The following LRRC8D variants were observed in gnomAD, a reference collection of about 807,000 sequenced individuals.
LRRC8D encodes leucine rich repeat containing 8 VRAC subunit D, also known as volume-regulated anion channel subunit LRRC8D.
In LRRC8D, 20 loss-of-function variants were observed where a neutral mutation model predicts 55.8. The ratio of observed to expected loss-of-function variants is 0.36; its 90% CI spans 0.25 to 0.52. The LOEUF is 0.52. LRRC8D is among the 20% of genes least tolerant of loss of function. The pLI is 0.93. For missense variants in LRRC8D, 651 were observed against 1,030.8 expected, an observed-to-expected ratio of 0.63 and a Z score of 5.05; for synonymous variants, 352 against 377.0, an observed-to-expected ratio of 0.93 and a Z score of 0.77.
At chr1:89,908,758 G>A (rs1439107963) in intron 2 of LRRC8D, among the ~76,000 whole-genome samples, 1 of 152,204 alleles carries the variant, frequency 6.6e-6, no homozygotes, top group African/African-American at 2.4e-5. Flanking sequence ...GCAGCAGCAT[G>A]TGGATATGTG....
intron 2 of LRRC8D, among the ~76,000 whole-genome samples, chr1:89,848,610 A>G (rs892859331): frequency 1.4e-4 from 22 of 151,966 alleles, no homozygotes; most frequent in African/African-American, 5.3e-4. Flanking sequence ...TGAACACCAT[A>G]TTTTTCAGGC....
At chr1:89,908,821 T>A (rs564218496) in intron 2 of LRRC8D, among the ~76,000 whole-genome samples, 6 of 152,316 alleles carry the variant, frequency 3.9e-5, no homozygotes, top group African/African-American at 1.2e-4. Flanking sequence ...AATGGGGAGT[T>A]CCTTACTGTG....
chr1:89,872,658 G>A (rs1053911791), intron 2 of LRRC8D, among the ~76,000 whole-genome samples: 1 of 152,108 alleles, frequency 6.6e-6, no homozygotes, highest in Non-Finnish European at 1.5e-5. Context: ...ATTTAACTTT[G>A]TTCTGGGTTC....
intron 2 of LRRC8D, among the ~76,000 whole-genome samples, chr1:89,845,845 G>A (rs1440748805): frequency 2.6e-5 from 4 of 151,672 alleles, no homozygotes; most frequent in East Asian, 1.9e-4. Context: ...GCAATGGTGC[G>A]ATCTTGGCTT....
chr1:89,860,025 G>A (rs1661660545), intron 2 of LRRC8D, among the ~76,000 whole-genome samples: 1 of 152,248 alleles, frequency 6.6e-6, no homozygotes, highest in Non-Finnish European at 1.5e-5. Flanking sequence ...AGCAGTGTCA[G>A]AATATCTATT....
At chr1:89,835,406 A>G (rs929257622) in intron 1 of LRRC8D, among the ~76,000 whole-genome samples, 2 of 152,218 alleles carry the variant, frequency 1.3e-5, no homozygotes, top group African/African-American at 4.8e-5. Context: ...CTCTGTAAGT[A>G]TTAAACAGTA....
chr1:89,894,299 G>A (rs1045213429), intron 2 of LRRC8D, among the ~76,000 whole-genome samples: 1 of 152,220 alleles, frequency 6.6e-6, no homozygotes, highest in Non-Finnish European at 1.5e-5. Context: ...TGTGTAATCT[G>A]TAATAGCAGT....
chr1:89,878,672 GTC>G (rs1363177088), intron 2 of LRRC8D, among the ~76,000 whole-genome samples: 15 of 152,106 alleles, frequency 9.9e-5, no homozygotes, highest in African/African-American at 3.6e-4. Context: ...AAGTATAGAA[GTC>G]TCTGATGAGG....
At chr1:89,860,006 C>T (rs1470843211) in intron 2 of LRRC8D, among the ~76,000 whole-genome samples, 1 of 152,160 alleles carries the variant, frequency 6.6e-6, no homozygotes. Flanking sequence ...CAAAAAGCAA[C>T]GTTTTTACAG....
rs3765613 is a variant in LRRC8D at position 89,936,206 on chromosome 1, G to A, written c.*561G>A. 7,553 of 167,306 alleles carry A rather than the reference G, an allele frequency of 0.045. 213 individuals are homozygous for A. The highest frequency in any genetic ancestry group is 0.13 in the East Asian group (688 of 5,178). The allele number at this position is 167,306 out of a possible 1,614,324, so 10.4% of individuals were successfully genotyped here. Reference sequence around the variant, plus strand: ...TGGTACTGCTGCTCCTGAGCACCTCGTGTCATAGATTTTATACTCTTACAG... The same window carrying A: ...TGGTACTGCTGCTCCTGAGCACCTCATGTCATAGATTTTATACTCTTACAG... On this transcript the variant is annotated 3_prime_UTR_variant, in exon 3 of 3. Transcript: ENST00000337338.
At chr1:89,831,709 A>G (rs1427591110) in intron 1 of LRRC8D, among the ~76,000 whole-genome samples, 1 of 152,200 alleles carries the variant, frequency 6.6e-6, no homozygotes, top group East Asian at 1.9e-4. Context: ...GGTGGCTTCT[A>G]CAAAAGGGGA....
intron 2 of LRRC8D, among the ~76,000 whole-genome samples, chr1:89,906,999 C>T (rs1663011600): frequency 6.6e-6 from 1 of 152,000 alleles, no homozygotes; most frequent in African/African-American, 2.4e-5. Context: ...TACCCTAGCT[C>T]ATCTTAATTC....
chr1:89,870,271 T>C (rs992520730), intron 2 of LRRC8D, among the ~76,000 whole-genome samples: 9 of 151,806 alleles, frequency 5.9e-5, no homozygotes, highest in Non-Finnish European at 8.8e-5. Flanking sequence ...GGTCAGGAGA[T>C]AGAGACCATC....
At chr1:89,884,839 C>T (rs1662372709) in intron 2 of LRRC8D, among the ~76,000 whole-genome samples, 1 of 152,160 alleles carries the variant, frequency 6.6e-6, no homozygotes, top group Non-Finnish European at 1.5e-5. Flanking sequence ...GCATCAGGAA[C>T]CTTTCCTTGC....
chr1:89,906,097 T>C (rs1485833405), intron 2 of LRRC8D, among the ~76,000 whole-genome samples: 1 of 152,234 alleles, frequency 6.6e-6, no homozygotes, highest in African/African-American at 2.4e-5. Flanking sequence ...GCAGCCGCAT[T>C]GTTCCCTGGT....
At chr1:89,837,266 A>T (rs67951971) in intron 1 of LRRC8D, among the ~76,000 whole-genome samples, 2 of 152,084 alleles carry the variant, frequency 1.3e-5, no homozygotes, top group African/African-American at 2.4e-5. Context: ...TTATTCAGCA[A>T]TGTGGCCCAG....
chr1:89,900,085 C>G (rs1161281881), intron 2 of LRRC8D, among the ~76,000 whole-genome samples: 1 of 152,120 alleles, frequency 6.6e-6, no homozygotes, highest in Non-Finnish European at 1.5e-5. Flanking sequence ...CAGAAATGCA[C>G]AGGATACTCT....
intron 2 of LRRC8D, among the ~76,000 whole-genome samples, chr1:89,855,362 G>T (rs767589109): frequency 2.0e-5 from 3 of 152,194 alleles, no homozygotes; most frequent in Admixed American, 6.5e-5. Context: ...ACATCTTAAA[G>T]CCCTCAAGGT....
At chr1:89,850,008 C>T (rs887354119) in intron 2 of LRRC8D, among the ~76,000 whole-genome samples, 1 of 152,144 alleles carries the variant, frequency 6.6e-6, no homozygotes, top group Admixed American at 6.5e-5. Context: ...TTATTAACTT[C>T]AAAGGTTACT....
Sources: allele counts gnomAD v4.1 joint callset (sites outside exome capture counted in the v4.1 genomes callset), GRCh38; gene constraint gnomAD v4.1.1; transcripts MANE v1.5; gene names NCBI Gene and HGNC (gene_info 2026-07-23, HGNC 2026-07-21).